The following SYNDIG1 variants were observed in gnomAD, a reference collection of about 807,000 sequenced individuals.
The protein encoded by SYNDIG1 is synapse differentiation inducing 1.
Under a neutral mutation model 19.4 loss-of-function variants are expected in SYNDIG1, and 9 were observed. That is an observed-to-expected ratio of 0.46 (90% CI 0.28 to 0.81). SYNDIG1 has a LOEUF of 0.81. Ranked by LOEUF, SYNDIG1 falls within the 30% of genes least tolerant of loss-of-function variation. The pLI is 0.12. For synonymous variants in SYNDIG1, 141 were observed against 145.9 expected, an observed-to-expected ratio of 0.97 and a Z score of 0.24; for missense variants, 311 against 343.3, an observed-to-expected ratio of 0.91 and a Z score of 0.74.
At chr20:24,560,692 T>TG (rs2057923870) in intron 2 of SYNDIG1, among the ~76,000 whole-genome samples, 1 of 144,060 alleles carries the variant, frequency 6.9e-6, no homozygotes, top group Non-Finnish European at 1.5e-5. Flanking sequence ...TTCTGTTGAC[T>TG]ACTTTTTTTT....
intron 2 of SYNDIG1, among the ~76,000 whole-genome samples, chr20:24,571,739 C>T (rs529434824): frequency 6.6e-6 from 1 of 152,280 alleles, no homozygotes; most frequent in East Asian, 1.9e-4. Context: ...CACCCCAGCC[C>T]ATCCCTTGAT....
chr20:24,546,041 G>A lies in SYNDIG1; in HGVS notation c.480+2464G>A, dbSNP rs115825804. On this transcript the variant is annotated intron_variant, in intron 2 of 3. Transcript: ENST00000376862. ...CCACAGGCTCTGAGCAGAAGGAATGGAGACACATTATGGCTGCTGCTGCTT... is the reference window on the plus strand; with the variant it reads ...CCACAGGCTCTGAGCAGAAGGAATGAAGACACATTATGGCTGCTGCTGCTT... Among the ~76,000 whole-genome samples, 1,005 of 152,280 alleles carry A rather than the reference G, an allele frequency of 6.6e-3. 10 individuals carry two copies. The highest frequency in any genetic ancestry group is 0.023 in the African/African-American group (960 of 41,540).
chr20:24,613,547 C>T (rs896947194), intron 3 of SYNDIG1, among the ~76,000 whole-genome samples: 1 of 152,058 alleles, frequency 6.6e-6, no homozygotes, highest in Non-Finnish European at 1.5e-5. Flanking sequence ...CTCCTGTGTC[C>T]CCCATTGCGG....
intron 2 of SYNDIG1, among the ~76,000 whole-genome samples, chr20:24,563,051 G>T (rs1487111405): frequency 6.6e-6 from 1 of 152,166 alleles, no homozygotes. Flanking sequence ...GTTTAATAAA[G>T]TTGTCCCAAA....
At chr20:24,609,444 A>T (rs1406350074) in intron 3 of SYNDIG1, among the ~76,000 whole-genome samples, 1 of 152,200 alleles carries the variant, frequency 6.6e-6, no homozygotes, top group African/African-American at 2.4e-5. Flanking sequence ...CAGTTGCAGC[A>T]TTCACTTGTA....
chr20:24,649,793 A>G (rs992721761), intron 3 of SYNDIG1, among the ~76,000 whole-genome samples: 3 of 152,210 alleles, frequency 2.0e-5, no homozygotes, highest in South Asian at 2.1e-4. Flanking sequence ...GGGGTCACCC[A>G]TGTCATCCCA....
At chr20:24,552,248 C>G (rs1018913595) in intron 2 of SYNDIG1, among the ~76,000 whole-genome samples, 2 of 152,136 alleles carry the variant, frequency 1.3e-5, no homozygotes, top group Non-Finnish European at 2.9e-5. Flanking sequence ...CTAGAACCTG[C>G]TGCTCCACAC....
At chr20:24,611,057 C>G (rs1229562327) in intron 3 of SYNDIG1, among the ~76,000 whole-genome samples, 2 of 152,178 alleles carry the variant, frequency 1.3e-5, no homozygotes, top group African/African-American at 4.8e-5. Context: ...ACGCGATGCT[C>G]AGGATATTGC....
At chr20:24,577,816 T>C (rs934894254) in intron 2 of SYNDIG1, among the ~76,000 whole-genome samples, 1 of 152,190 alleles carries the variant, frequency 6.6e-6, no homozygotes, top group Non-Finnish European at 1.5e-5. Context: ...ATGTAAATGA[T>C]GGTGAAGATG....
chr20:24,602,390 C>T (rs917324551), intron 3 of SYNDIG1, among the ~76,000 whole-genome samples: 11 of 152,202 alleles, frequency 7.2e-5, no homozygotes, highest in Admixed American at 6.5e-4. Context: ...ACTCAAGCTC[C>T]GAGGTGAAGC....
intron 1 of SYNDIG1, among the ~76,000 whole-genome samples, chr20:24,511,481 T>A (rs2056740933): frequency 6.6e-6 from 1 of 151,926 alleles, no homozygotes; most frequent in Admixed American, 6.6e-5. Flanking sequence ...GGATTCTGAG[T>A]TTTCACTGGA....
chr20:24,581,680 G>C (rs2058325789), intron 2 of SYNDIG1, among the ~76,000 whole-genome samples: 1 of 152,000 alleles, frequency 6.6e-6, no homozygotes, highest in South Asian at 2.1e-4. Context: ...GATTCCATGG[G>C]GCAAGCCTTC....
At chr20:24,535,147 G>A (rs1437123301) in intron 1 of SYNDIG1, among the ~76,000 whole-genome samples, 1 of 152,210 alleles carries the variant, frequency 6.6e-6, no homozygotes, top group Non-Finnish European at 1.5e-5. Flanking sequence ...ATTACCTTGA[G>A]TTAAGACAGG....
chr20:24,471,836 A>G (rs557969043), intron 1 of SYNDIG1, among the ~76,000 whole-genome samples: 18 of 152,268 alleles, frequency 1.2e-4, no homozygotes, highest in Middle Eastern at 3.4e-3. Context: ...TAAGTATTGG[A>G]TAGTAGGTTA....
At chr20:24,517,138 C>G (rs923407585) in intron 1 of SYNDIG1, among the ~76,000 whole-genome samples, 2 of 151,888 alleles carry the variant, frequency 1.3e-5, no homozygotes, top group Non-Finnish European at 2.9e-5. Flanking sequence ...ACATCACACA[C>G]TGGGGCCTGG....
intron 3 of SYNDIG1, among the ~76,000 whole-genome samples, chr20:24,625,057 GA>G (rs2059102375): frequency 6.6e-6 from 1 of 152,098 alleles, no homozygotes; most frequent in Non-Finnish European, 1.5e-5. Flanking sequence ...TGTTTAAAGG[GA>G]AATTTATAGC....
chr20:24,524,022 T>C (rs979203402), intron 1 of SYNDIG1, among the ~76,000 whole-genome samples: 1 of 152,262 alleles, frequency 6.6e-6, no homozygotes, highest in African/African-American at 2.4e-5. Flanking sequence ...CTAAGTTACT[T>C]ATTCAGACAG....
chr20:24,472,007 C>A lies in SYNDIG1; in HGVS notation c.-79+2254C>A, dbSNP rs761006893. ...TGTAAACTTCAAAAAAATAAAAAAA[C>A]CATTCCAAACTCACTTCACCTCTAA... On this transcript the variant is annotated intron_variant, in intron 1 of 3. Coordinates refer to ENST00000376862, the MANE Select transcript of SYNDIG1 (RefSeq NM_024893.3). Among the ~76,000 whole-genome samples the A allele has an allele frequency of 7.9e-5, 12 of 152,240 alleles. No homozygotes were observed. The South Asian group carries it at 1.0e-3, about 13-fold the overall frequency.
At chr20:24,507,118 A>C (rs1268492488) in intron 1 of SYNDIG1, among the ~76,000 whole-genome samples, 1 of 152,154 alleles carries the variant, frequency 6.6e-6, no homozygotes, top group Non-Finnish European at 1.5e-5. Context: ...CTTCGTCATC[A>C]GCCGTTCCCA....
Sources: gnomAD v4.1 joint callset for allele counts (sites outside exome capture counted in the v4.1 genomes callset) on GRCh38, gnomAD v4.1.1 for gene constraint, MANE v1.5 for transcripts, NCBI Gene and HGNC (gene_info 2026-07-23, HGNC 2026-07-21) for gene names.